PCDH9: variants seen among roughly 807,000 people sequenced by gnomAD.
PCDH9 encodes protocadherin-9.
In PCDH9, 24 loss-of-function variants were observed where a neutral mutation model predicts 70.6. The ratio of observed to expected loss-of-function variants is 0.34; its 90% CI spans 0.25 to 0.48. PCDH9 has a LOEUF of 0.48. Among genes scored for constraint, PCDH9 ranks in the 20% least tolerant of loss-of-function variants. PCDH9 has a pLI of 0.99. For synonymous variants in PCDH9, 562 were observed against 558.5 expected, an observed-to-expected ratio of 1.01 and a Z score of -0.09; for missense variants, 1,281 against 1,503.6, an observed-to-expected ratio of 0.85 and a Z score of 2.45.
chr13:66,383,460 C>T lies in PCDH9; in HGVS notation c.3341-78432G>A, dbSNP rs1956880157. On this transcript the variant is annotated intron_variant, in intron 4 of 4. Transcript: ENST00000377865. ...CAAGGGTAGTGCTCATCAAAGTCAA[C>T]TTGCTAATTGGTTGTAATTGTTTTC... Among the ~76,000 whole-genome samples, 9 of 152,298 alleles carry T rather than the reference C, an allele frequency of 5.9e-5. No homozygotes were observed. The South Asian group carries it at 1.9e-3, about 32-fold the overall frequency.
intron 3 of PCDH9, among the ~76,000 whole-genome samples, chr13:66,651,212 A>C (rs963726588): frequency 2.0e-5 from 3 of 151,908 alleles, no homozygotes; most frequent in African/African-American, 7.2e-5. Context: ...AAAAAAGTAC[A>C]ATTGATCAAT....
At chr13:67,150,812 G>A (rs1317615472) in intron 2 of PCDH9, among the ~76,000 whole-genome samples, 1 of 152,184 alleles carries the variant, frequency 6.6e-6, no homozygotes, top group African/African-American at 2.4e-5. Context: ...AGAACTCCAG[G>A]AAGACTGTAT....
intron 3 of PCDH9, among the ~76,000 whole-genome samples, chr13:66,643,693 G>A (rs1402384957): frequency 2.0e-5 from 3 of 152,056 alleles, no homozygotes; most frequent in African/African-American, 4.8e-5. Flanking sequence ...ACTAAAAAAT[G>A]TAGTTACTTT....
At chr13:66,901,351 A>G (rs1170758254) in intron 3 of PCDH9, among the ~76,000 whole-genome samples, 3 of 151,798 alleles carry the variant, frequency 2.0e-5, no homozygotes, top group African/African-American at 7.2e-5. Flanking sequence ...TAACACAGAA[A>G]GATATTTAAC....
intron 4 of PCDH9, among the ~76,000 whole-genome samples, chr13:66,600,977 A>C (rs1199627807): frequency 6.9e-6 from 1 of 145,152 alleles, no homozygotes; most frequent in Non-Finnish European, 1.5e-5. Flanking sequence ...AGAGTGTATC[A>C]TTTCATTTCC....
intron 4 of PCDH9, among the ~76,000 whole-genome samples, chr13:66,395,041 C>T (rs1957079113): frequency 6.6e-6 from 1 of 152,098 alleles, no homozygotes; most frequent in South Asian, 2.1e-4. Context: ...TGGTCATATA[C>T]AATGTTCTTT....
At chr13:66,921,845 T>C (rs1238970415) in intron 2 of PCDH9, among the ~76,000 whole-genome samples, 1 of 151,366 alleles carries the variant, frequency 6.6e-6, no homozygotes, top group Non-Finnish European at 1.5e-5. Flanking sequence ...CTAAGAGTAA[T>C]AGTTTCAACA....
At chr13:66,821,018 T>A (rs2080703234) in intron 3 of PCDH9, among the ~76,000 whole-genome samples, 1 of 152,144 alleles carries the variant, frequency 6.6e-6, no homozygotes, top group African/African-American at 2.4e-5. Flanking sequence ...AAAGATTCCC[T>A]CCTTTGACAA....
chr13:67,081,318 C>T (rs1052379310), intron 2 of PCDH9, among the ~76,000 whole-genome samples: 4 of 152,172 alleles, frequency 2.6e-5, no homozygotes, highest in Non-Finnish European at 4.4e-5. Flanking sequence ...CCTGTAATCC[C>T]AGCACTTTGT....
chr13:67,031,742 G>A (rs907144501), intron 2 of PCDH9, among the ~76,000 whole-genome samples: 8 of 152,218 alleles, frequency 5.3e-5, no homozygotes, highest in African/African-American at 1.2e-4. Flanking sequence ...TATTGTTGGG[G>A]TATTTTGATT....
chr13:66,890,071 T>G (rs1265860956), intron 3 of PCDH9, among the ~76,000 whole-genome samples: 1 of 152,200 alleles, frequency 6.6e-6, no homozygotes, highest in African/African-American at 2.4e-5. Context: ...TTGTATTTCT[T>G]AGCAGAGCCC....
At chr13:67,162,315 G>A (rs1213116994) in intron 2 of PCDH9, among the ~76,000 whole-genome samples, 1 of 152,150 alleles carries the variant, frequency 6.6e-6, no homozygotes, top group Non-Finnish European at 1.5e-5. Flanking sequence ...CAAAATACAT[G>A]TCAACTTTCA....
intron 3 of PCDH9, among the ~76,000 whole-genome samples, chr13:66,747,029 A>C (rs2139216379): frequency 6.6e-6 from 1 of 152,332 alleles, no homozygotes; most frequent in Non-Finnish European, 1.5e-5. Context: ...TCTATAATGG[A>C]ATAAGATACG....
intron 3 of PCDH9, among the ~76,000 whole-genome samples, chr13:66,885,702 G>A (rs534208187): frequency 6.6e-6 from 1 of 151,782 alleles, no homozygotes; most frequent in Admixed American, 6.6e-5. Flanking sequence ...TCTCCTACTT[G>A]GTAAAACTTA....
intron 2 of PCDH9, among the ~76,000 whole-genome samples, chr13:67,138,599 A>G (rs377245211): frequency 2.4e-4 from 37 of 152,314 alleles, no homozygotes; most frequent in African/African-American, 5.3e-4. Flanking sequence ...CGAGTCACCA[A>G]TGGAATCCTC....
chr13:67,009,224 T>C (rs1215408631), intron 2 of PCDH9, among the ~76,000 whole-genome samples: 6 of 152,024 alleles, frequency 3.9e-5, no homozygotes, highest in Non-Finnish European at 8.8e-5. Context: ...CCCAACAAGC[T>C]TGTATATGAG....
chr13:67,012,646 T>C (rs535673704), intron 2 of PCDH9, among the ~76,000 whole-genome samples: 11 of 151,958 alleles, frequency 7.2e-5, no homozygotes, highest in Non-Finnish European at 1.3e-4. Flanking sequence ...TTTTTTTCCA[T>C]TTCATGAACA....
At chr13:66,407,159 G>A (rs1957294020) in intron 4 of PCDH9, among the ~76,000 whole-genome samples, 1 of 152,098 alleles carries the variant, frequency 6.6e-6, no homozygotes, top group Non-Finnish European at 1.5e-5. Flanking sequence ...ATTTCTCCTC[G>A]GAGATGGGAA....
intron 3 of PCDH9, among the ~76,000 whole-genome samples, chr13:66,768,486 T>G (rs764111534): frequency 3.9e-5 from 6 of 152,082 alleles, no homozygotes; most frequent in Non-Finnish European, 7.4e-5. Flanking sequence ...GAATAGGGTA[T>G]GAAGAATATG....
Sources: gnomAD v4.1 joint callset for allele counts (sites outside exome capture counted in the v4.1 genomes callset) on GRCh38, gnomAD v4.1.1 for gene constraint, MANE v1.5 for transcripts, NCBI Gene and HGNC (gene_info 2026-07-23, HGNC 2026-07-21) for gene names.